DDR2: variants seen among roughly 807,000 people sequenced by gnomAD.
DDR2 encodes discoidin domain receptor tyrosine kinase 2, also known as discoidin domain-containing receptor 2.
In DDR2, 27 loss-of-function variants were observed where a neutral mutation model predicts 94.9. The observed-to-expected ratio is 0.28, with a 90% CI of 0.21 to 0.39. DDR2 has a LOEUF of 0.39. Among genes scored for constraint, DDR2 ranks in the 10% least tolerant of loss-of-function variants. DDR2 has a pLI of 1.00. For synonymous variants in DDR2, 382 were observed against 377.2 expected (o/e 1.01, Z -0.15); for missense variants, 783 against 1,076.0 (o/e 0.73, Z 3.81).
At position 162,770,459 on chromosome 1, in the gene DDR2, C is replaced by T; in HGVS notation, c.1451C>T (p.Pro484Leu). Residue 484 changes from proline (P) to leucine (L), a missense_variant, in exon 12 of 18, where the codon CCA becomes CTA. By Grantham distance (98) the Pro-to-Leu change is moderately conservative. This residue lies in a region of DDR2 where 519 missense variants were observed against 647.9 expected (regional missense o/e 0.80). Coordinates refer to ENST00000367921, the MANE Select transcript of DDR2 (RefSeq NM_006182.4). Reference sequence around the variant, plus strand: ...CCCCTTCGCCCTGACTACCAGGAGCCATCCAGGCTGATACGAAAACTCCCA... The same window carrying T: ...CCCCTTCGCCCTGACTACCAGGAGCTATCCAGGCTGATACGAAAACTCCCA... ...IFPLRPDYQE[P>L]SRLIRKLPEF... 6.2e-7 allele frequency: 1 copy of T among 1,614,090 alleles called. No individual in the cohort carries two copies. Among genetic ancestry groups the T allele is most frequent in the Non-Finnish European group, 8.5e-7 (1 of 1,180,024 alleles).
In DDR2 at chr1:162,776,196, T is replaced by G. The variant is rs749638465; in HGVS notation, c.2109T>G (p.Ser703=). The change falls in exon 16 of 18, where the codon TCT becomes TCG. Residue 703 remains serine (S), a synonymous_variant. Transcript: ENST00000367921. ...QIASGMKYLS[S]LNFVHRDLAT... is the part of the protein sequence containing the mutation. ...CCTCTGGCATGAAGTACCTTTCCTC[T>G]CTTAATTTTGTTCACCGAGATCTGG... The G allele has an allele frequency of 1.9e-6, 3 of 1,613,942 alleles. No homozygotes were observed. The highest frequency in any genetic ancestry group is 2.5e-6 in the Non-Finnish European group (3 of 1,179,944).
At chr1:162,693,538 T>C (rs556847697) in intron 2 of DDR2, among the ~76,000 whole-genome samples, 6 of 152,350 alleles carry the variant, frequency 3.9e-5, no homozygotes, top group African/African-American at 1.4e-4. Context: ...GCTGCTTTCA[T>C]GGAGCTTACA....
At chr1:162,649,987 C>G (rs907861569) in intron 1 of DDR2, among the ~76,000 whole-genome samples, 5 of 152,178 alleles carry the variant, frequency 3.3e-5, no homozygotes, top group African/African-American at 1.2e-4. Flanking sequence ...TGACCTGAGT[C>G]TTACCTGGAA....
chr1:162,633,129 G>A (rs779117087), intron 1 of DDR2, among the ~76,000 whole-genome samples: 5 of 152,164 alleles, frequency 3.3e-5, no homozygotes, highest in Non-Finnish European at 7.4e-5. Flanking sequence ...CTTTGGATGA[G>A]GGGTGGCTTC....
rs772515114 is a variant in DDR2 at position 162,761,273 on chromosome 1, C to A, written c.918C>A (p.Phe306Leu). ...VKIFKEVQCY[F>L]RSEASEWEPN... is the part of the protein sequence containing the mutation. ...TCTTTAAGGAGGTACAGTGCTACTT[C>A]CGCTCTGAAGCCAGTGAGTGGGAAC... The change falls in exon 9 of 18, where the codon TTC (phenylalanine) becomes TTA (leucine). Residue 306 changes from phenylalanine to leucine, a missense_variant. By Grantham distance (22) the Phe-to-Leu change is conservative. Coordinates refer to ENST00000367921, the MANE Select transcript of DDR2 (RefSeq NM_006182.4). 6.2e-7 allele frequency: 1 copy of A among 1,614,132 alleles called. No homozygotes were observed. The highest frequency in any genetic ancestry group is 1.7e-5 in the Admixed American group (1 of 60,010).
chr1:162,676,964 T>A (rs577899104), intron 2 of DDR2, among the ~76,000 whole-genome samples: 4 of 152,180 alleles, frequency 2.6e-5, no homozygotes, highest in African/African-American at 9.7e-5. Context: ...GCCCTTCCTA[T>A]GAGAAATAAA....
chr1:162,655,732 G>T (rs1657923370), intron 2 of DDR2, among the ~76,000 whole-genome samples: 1 of 152,114 alleles, frequency 6.6e-6, no homozygotes, highest in Non-Finnish European at 1.5e-5. Context: ...AATCTGTAGG[G>T]TTCCAGCGTC....
intron 2 of DDR2, among the ~76,000 whole-genome samples, chr1:162,672,190 A>T (rs4657220): frequency 6.6e-6 from 1 of 152,126 alleles, no homozygotes; most frequent in Non-Finnish European, 1.5e-5. Context: ...TGGTAACTGG[A>T]AAATTATTAA....
Position 162,751,400 on chromosome 1 carries a change from T to G in DDR2, c.83-1695T>G, listed in dbSNP as rs544242187. 2.6e-5 allele frequency among the ~76,000 whole-genome samples: 4 copies of G among 152,318 alleles called. No homozygotes were observed. The South Asian group carries it at 8.3e-4, about 32-fold the overall frequency. Reference sequence around the variant, plus strand: ...AGCCAACAGATACATGAAAAAATGCTCATCACCACTGGTCATCAGAGAAAT... The same window carrying G: ...AGCCAACAGATACATGAAAAAATGCGCATCACCACTGGTCATCAGAGAAAT... On this transcript the variant is annotated intron_variant, in intron 3 of 17. Coordinates refer to ENST00000367921, the MANE Select transcript of DDR2 (RefSeq NM_006182.4).
intron 2 of DDR2, among the ~76,000 whole-genome samples, chr1:162,717,527 C>T (rs1661227573): frequency 6.6e-6 from 1 of 152,266 alleles, no homozygotes; most frequent in Middle Eastern, 3.4e-3. Context: ...TCAGTTTCCC[C>T]TAATGTCCTT....
intron 2 of DDR2, among the ~76,000 whole-genome samples, chr1:162,683,997 G>A (rs1305313437): frequency 6.6e-6 from 1 of 152,182 alleles, no homozygotes; most frequent in African/African-American, 2.4e-5. Context: ...TTATTATATA[G>A]CTGTAGTAAT....
upstream of DDR2, among the ~76,000 whole-genome samples, chr1:162,631,676 T>C (rs938354927): frequency 6.6e-6 from 1 of 151,980 alleles, no homozygotes; most frequent in African/African-American, 2.4e-5. Context: ...GAGTGAAGGC[T>C]CCTCCCCTGT....
chr1:162,649,574 A>G (rs2101900371), intron 1 of DDR2, among the ~76,000 whole-genome samples: 1 of 152,330 alleles, frequency 6.6e-6, no homozygotes, highest in Non-Finnish European at 1.5e-5. Context: ...AAAGGAAAAT[A>G]ATCTGCAATT....
chr1:162,745,351 C>T (rs902673955), intron 3 of DDR2, among the ~76,000 whole-genome samples: 1 of 152,068 alleles, frequency 6.6e-6, no homozygotes, highest in African/African-American at 2.4e-5. Flanking sequence ...TGTAGTTCCG[C>T]CTGTTTTTGC....
At chr1:162,754,964 G>A in intron 5 of DDR2, 109 bp downstream of exon 5, 1 of 1,458,122 alleles carries the variant, frequency 6.9e-7, no homozygotes, top group Non-Finnish European at 9.5e-7. Flanking sequence ...CCACAGACCA[G>A]GCATGCCCTT....
intron 16 of DDR2, chr1:162,778,136 T>C (rs1287501541): frequency 1.1e-5 from 3 of 267,360 alleles, no homozygotes; most frequent in Non-Finnish European, 2.2e-5. Flanking sequence ...TTGCTGTCAC[T>C]TGTTAAAGTC....
intron 2 of DDR2, among the ~76,000 whole-genome samples, chr1:162,659,431 C>A (rs1204732671): frequency 4.6e-5 from 7 of 152,008 alleles, no homozygotes; most frequent in Non-Finnish European, 7.4e-5. Flanking sequence ...AGTGATCTGG[C>A]GAACACAGAC....
At chr1:162,740,620 C>T (rs1662542023) in intron 3 of DDR2, among the ~76,000 whole-genome samples, 1 of 152,164 alleles carries the variant, frequency 6.6e-6, no homozygotes, top group Non-Finnish European at 1.5e-5. Flanking sequence ...ACTTTTTCTT[C>T]ACAGCACTTG....
chr1:162,703,631 T>C (rs529038311), intron 2 of DDR2, among the ~76,000 whole-genome samples: 1 of 152,296 alleles, frequency 6.6e-6, no homozygotes, highest in African/African-American at 2.4e-5. Context: ...CACCTGTCTG[T>C]GGAAGGCACT....
Sources: gnomAD v4.1 joint callset for allele counts (sites outside exome capture counted in the v4.1 genomes callset) on GRCh38, gnomAD v4.1.1 for gene constraint, gnomAD v4.1.1 regional missense constraint, MANE v1.5 for transcripts, NCBI Gene and HGNC (gene_info 2026-07-23, HGNC 2026-07-21) for gene names.